The following MSH3 variants were observed in gnomAD, a reference collection of about 807,000 sequenced individuals.
The protein encoded by MSH3 is mutS homolog 3, also known as DNA mismatch repair protein Msh3.
MSH3 carries 106 observed loss-of-function variants against 123.3 expected under a neutral mutation model. The ratio of observed to expected loss-of-function variants is 0.86; its 90% confidence interval spans 0.73 to 1.01. The LOEUF (loss-of-function observed/expected upper bound fraction) is 1.01. MSH3 is among the 50% of genes least tolerant of loss of function. The pLI is 0.00. For synonymous variants in MSH3, 515 were observed against 481.4 expected (o/e 1.07, Z -0.91); for missense variants, 1,459 against 1,347.6 (o/e 1.08, Z -1.29).
At chr5:80,780,519 C>G (rs1744391281) in intron 17 of MSH3, among the ~76,000 whole-genome samples, 1 of 152,158 alleles carries the variant, frequency 6.6e-6, no homozygotes. Flanking sequence ...GCCAGCCTGC[C>G]CATGGTGAGC....
At chr5:80,846,794 G>A (rs754174808) in intron 20 of MSH3, among the ~76,000 whole-genome samples, 16 of 152,166 alleles carry the variant, frequency 1.1e-4, no homozygotes, top group Non-Finnish European at 2.1e-4. Context: ...GGTCAGGAGT[G>A]TACTGTTTCT....
intron 8 of MSH3, among the ~76,000 whole-genome samples, chr5:80,714,237 G>T (rs536542709): frequency 7.0e-6 from 1 of 143,098 alleles, no homozygotes; most frequent in South Asian, 2.3e-4. Context: ...CCGGGTTCAA[G>T]CGATTCTCCT....
intron 20 of MSH3, among the ~76,000 whole-genome samples, chr5:80,821,697 C>T (rs935173860): frequency 1.3e-5 from 2 of 152,236 alleles, no homozygotes; most frequent in African/African-American, 4.8e-5. Context: ...GCCTGTGTCC[C>T]TGCATATTCT....
intron 8 of MSH3, among the ~76,000 whole-genome samples, chr5:80,690,683 A>G (rs1489212583): frequency 6.6e-6 from 1 of 152,152 alleles, no homozygotes; most frequent in Non-Finnish European, 1.5e-5. Flanking sequence ...AGTGCTCCTT[A>G]TTACTAATGT....
chr5:80,747,045 A>ATCT (rs1175403050), intron 12 of MSH3, among the ~76,000 whole-genome samples: 1 of 152,234 alleles, frequency 6.6e-6, no homozygotes, highest in African/African-American at 2.4e-5. Flanking sequence ...AAATGGAAAT[A>ATCT]TCTTCTTTAG....
chr5:80,851,535 T>G (rs1268716279), intron 20 of MSH3, among the ~76,000 whole-genome samples: 1 of 152,198 alleles, frequency 6.6e-6, no homozygotes, highest in South Asian at 2.1e-4. Context: ...GACTTTATTT[T>G]GGGAATGTTA....
chr5:80,867,935 C>T (rs1580100627), intron 22 of MSH3, among the ~76,000 whole-genome samples: 1 of 152,082 alleles, frequency 6.6e-6, no homozygotes, highest in African/African-American at 2.4e-5. Flanking sequence ...ATTAGGTCCC[C>T]TGTGTCAGTT....
At chr5:80,868,917 A>G (rs1378317253) in intron 22 of MSH3, among the ~76,000 whole-genome samples, 2 of 152,096 alleles carry the variant, frequency 1.3e-5, no homozygotes, top group Admixed American at 6.6e-5. Context: ...TCCTGGCTAT[A>G]TCTGTGCTTC....
rs1580587463 is a variant in MSH3, at chr5:80,725,522, G to A, written c.1410G>A (p.Gln470=). 6.2e-7 allele frequency: 1 copy of A among 1,613,896 alleles called. No individual in the cohort carries two copies. Among genetic ancestry groups the A allele is most frequent in the Non-Finnish European group, 8.5e-7 (1 of 1,179,906 alleles). The change falls in exon 9 of 24, where the codon CAG becomes CAA. Residue 470 remains glutamine, a synonymous_variant. Coordinates refer to ENST00000265081, the MANE Select transcript of MSH3 (RefSeq NM_002439.5). The part of the protein sequence containing the change: ...NIYFEYSHAF[Q]AVTEFYAKDT... ...ATTTTGAATACAGCCATGCTTTCCA[G>A]GCAGTTACAGAGTTTTATGCAAAAG...
intron 20 of MSH3, among the ~76,000 whole-genome samples, chr5:80,838,429 G>A (rs1161104671): frequency 6.6e-6 from 1 of 152,200 alleles, no homozygotes; most frequent in African/African-American, 2.4e-5. Context: ...TCATGATGTG[G>A]TGTCAGGACA....
chr5:80,801,304 G>C (rs1035517535), intron 19 of MSH3, among the ~76,000 whole-genome samples: 3 of 152,172 alleles, frequency 2.0e-5, no homozygotes, highest in African/African-American at 7.2e-5. Context: ...CACCTGCCTG[G>C]GCAGTGGCAC....
intron 22 of MSH3, among the ~76,000 whole-genome samples, chr5:80,869,795 C>CATATATATACATATATACAT (rs1334965961): frequency 2.3e-5 from 3 of 130,184 alleles, no homozygotes; most frequent in Admixed American, 8.5e-5. Context: ...TACATATATA[C>CATATATATACATATATACAT]ATATATATAC....
At position 80,876,690 on chromosome 5, in the gene MSH3, A is replaced by AT. The variant is rs1318344247; in HGVS notation, c.*828_*829insT. 1.3e-5 allele frequency among the ~76,000 whole-genome samples: 2 copies of AT among 152,154 alleles called. No homozygotes were observed. Among genetic ancestry groups the AT allele is most frequent in the Non-Finnish European group, 2.9e-5 (2 of 68,028 alleles). ...ATCAAGCTTTTAAAAACTAGAGCAC[A>AT]GAAGGAATAAGGTCATGAAATTTAA... On this transcript the variant is annotated 3_prime_UTR_variant, in exon 24 of 24. Transcript: ENST00000265081.
intron 8 of MSH3, among the ~76,000 whole-genome samples, chr5:80,713,618 GT>G (rs1287130686): frequency 1.3e-5 from 2 of 152,148 alleles, no homozygotes; most frequent in Non-Finnish European, 2.9e-5. Context: ...TTAGATCTGG[GT>G]CAATTATATA....
chr5:80,874,992 A>G (rs1746280655), intron 23 of MSH3, among the ~76,000 whole-genome samples: 1 of 152,244 alleles, frequency 6.6e-6, no homozygotes, highest in Admixed American at 6.5e-5. Context: ...GATCAAAGAA[A>G]TCAAACTGCA....
At chr5:80,761,309 C>T (rs539787614) in intron 12 of MSH3, among the ~76,000 whole-genome samples, 1 of 152,276 alleles carries the variant, frequency 6.6e-6, no homozygotes. Context: ...CCAGGCTCCT[C>T]CCTGCTGCCA....
chr5:80,758,060 CT>C (rs1743959126), intron 12 of MSH3, among the ~76,000 whole-genome samples: 1 of 152,144 alleles, frequency 6.6e-6, no homozygotes, highest in African/African-American at 2.4e-5. Context: ...TTACATTGTG[CT>C]TTCTCAATGC....
At chr5:80,667,812 C>A (rs1214488343) in intron 3 of MSH3, among the ~76,000 whole-genome samples, 1 of 152,164 alleles carries the variant, frequency 6.6e-6, no homozygotes, top group Non-Finnish European at 1.5e-5. Flanking sequence ...GCTTAGGAGC[C>A]CCTAGGTCTG....
chr5:80,858,850 T>G (rs1745962545), intron 21 of MSH3, among the ~76,000 whole-genome samples: 1 of 152,202 alleles, frequency 6.6e-6, no homozygotes, highest in Admixed American at 6.5e-5. Context: ...CTCTTTGTAG[T>G]TCTATCAGCT....
Sources: allele counts gnomAD v4.1 joint callset (sites outside exome capture counted in the v4.1 genomes callset), GRCh38; gene constraint gnomAD v4.1.1; transcripts MANE v1.5; gene names NCBI Gene and HGNC (gene_info 2026-07-23, HGNC 2026-07-21).